Variants in KANK2 observed in about 807,000 individuals in gnomAD.
KANK2 encodes the protein KN motif and ankyrin repeat domains 2.
A neutral mutation model predicts 74.6 loss-of-function variants in KANK2; 41 were observed. The observed-to-expected ratio is 0.55, with a 90% CI of 0.43 to 0.71. The LOEUF (loss-of-function observed/expected upper bound fraction) is 0.71, where lower values mean the gene tolerates loss of function less well. Among genes scored for constraint, KANK2 ranks in the 30% least tolerant of loss-of-function variants. The probability of loss-of-function intolerance (pLI) is 0.00; values close to 1 mark genes in which losing one functional copy is unlikely to be tolerated. For missense variants in KANK2, 1,148 were observed against 1,196.4 expected (o/e 0.96, Z 0.60); for synonymous variants, 537 against 519.0 (o/e 1.03, Z -0.47).
rs1340386491 is a variant in KANK2 at position 11,192,994 on chromosome 19, T to C, written c.1086A>G (p.Thr362=). The C allele has an allele frequency of 6.2e-7, 1 of 1,613,962 alleles. No homozygotes were observed. Among genetic ancestry groups the C allele is most frequent in the Non-Finnish European group, 8.5e-7 (1 of 1,179,954 alleles). The change falls in exon 4 of 13, where the codon ACA becomes ACG. Residue 362 remains threonine (T), a synonymous_variant. Transcript: ENST00000586659. ...QRAQSLEPYG[T]GLRALAMPGR... ...CAGGCATTGCCAGGGCCCTCAGCCC[T>C]GTGCCGTAAGGCTCCAGGCTCTGGG...
rs753933217 is a variant in KANK2 at position 11,175,427 on chromosome 19, C to CAAAAAAAA, written c.1848+467_1848+474dup. Among the ~76,000 whole-genome samples the CAAAAAAAA allele has an allele frequency of 2.1e-3, 32 of 14,970 alleles. 1 individual carries two copies. Among genetic ancestry groups the CAAAAAAAA allele is most frequent in the African/African-American group, 5.0e-3 (27 of 5,380 alleles). 9.8% of individuals were successfully genotyped at this position (14,970 alleles called of 152,430 possible). A position where few individuals can be genotyped will look rare whatever the true frequency, so the allele number is the denominator to read the frequency against. On this transcript the variant is annotated intron_variant, in intron 8 of 12. Transcript: ENST00000586659. The stretch of plus-strand genomic sequence containing the variant: ...TGGGTGACAGAGCAAGACTCCCTCT[C>CAAAAAAAA]AAAAAAAAAAAAAAAAAAAAAAAAA...
intron 12 of KANK2, among the ~76,000 whole-genome samples, chr19:11,167,039 G>C (rs1376311028): frequency 6.6e-6 from 1 of 152,122 alleles, no homozygotes; most frequent in East Asian, 1.9e-4. Flanking sequence ...TGCAGGGCCT[G>C]GTGGGCTTTG....
chr19:11,180,180 C>CG (rs928345659), intron 4 of KANK2, among the ~76,000 whole-genome samples: 3 of 152,182 alleles, frequency 2.0e-5, no homozygotes, highest in Non-Finnish European at 4.4e-5. Flanking sequence ...AGCATTTCCT[C>CG]GGGGGTTCCC....
intron 10 of KANK2, among the ~76,000 whole-genome samples, chr19:11,171,558 G>GT (rs1340455101): frequency 6.7e-6 from 1 of 149,568 alleles, no homozygotes; most frequent in Non-Finnish European, 1.5e-5. Flanking sequence ...GGAGGTGGGG[G>GT]TGGGGGGGTG....
rs556020618 is a variant in KANK2 at position 11,179,592 on chromosome 19, C to T, written c.1250-872G>A. Among the ~76,000 whole-genome samples the T allele has an allele frequency of 5.9e-5, 9 of 151,598 alleles. No homozygotes were observed. The East Asian group carries it at 1.7e-3, about 29-fold the overall frequency. ...GGCAGAGGTTGCAGTGAGCAGAGAT[C>T]ACACCACTGCACTCCAGCCTGGGTA... is the stretch of plus-strand genomic sequence containing the variant. On this transcript the variant is annotated intron_variant, in intron 4 of 12. Transcript: ENST00000586659.
intron 4 of KANK2, among the ~76,000 whole-genome samples, chr19:11,182,274 T>C (rs1018970407): frequency 2.0e-5 from 3 of 151,700 alleles, no homozygotes; most frequent in Non-Finnish European, 4.4e-5. Context: ...GCGAAAAAAT[T>C]TGAGAGGCTG....
Position 11,164,948 on chromosome 19 carries a change from C to A in KANK2, c.*1610G>T, listed in dbSNP as rs1047241668. The A allele has an allele frequency of 1.3e-5, 2 of 152,118 alleles. No homozygotes were observed. Among genetic ancestry groups the A allele is most frequent in the African/African-American group, 4.8e-5 (2 of 41,432 alleles). The allele number at this position is 152,118 out of a possible 1,614,324, so 9.4% of individuals were successfully genotyped here. A position where few individuals can be genotyped will look rare whatever the true frequency, so the allele number is the denominator to read the frequency against. On this transcript the variant is annotated 3_prime_UTR_variant, in exon 13 of 13. Coordinates refer to ENST00000586659, the MANE Select transcript of KANK2 (RefSeq NM_001136191.3). ...CTCTTGCTGAAATGTGGCTTTAAAGCCTTGGAGGCTGAGCTCACTGGCCTC... is the reference window on the plus strand; with the variant it reads ...CTCTTGCTGAAATGTGGCTTTAAAGACTTGGAGGCTGAGCTCACTGGCCTC...
chr19:11,194,405 TC>T, intron 3 of KANK2, 69 bp downstream of exon 3: 3 of 1,278,688 alleles, frequency 2.3e-6, no homozygotes, highest in Non-Finnish European at 1.1e-6. Context: ...CAGGGCAAGG[TC>T]CCCAGCCCCC....
chr19:11,168,175 T>C (rs2078077110), intron 12 of KANK2, among the ~76,000 whole-genome samples: 1 of 151,938 alleles, frequency 6.6e-6, no homozygotes, highest in Non-Finnish European at 1.5e-5. Flanking sequence ...GCTAATATTT[T>C]GTTTTTTTAG....
rs1568653870 is a variant in KANK2 at position 11,193,097 on chromosome 19, T to C, written c.983A>G (p.Asp328Gly). 6.2e-7 allele frequency: 1 copy of C among 1,608,104 alleles called. No homozygotes were observed. Among genetic ancestry groups the C allele is most frequent in the Non-Finnish European group, 8.5e-7 (1 of 1,177,238 alleles). ...WPPPDSPVRV[D>G]TVRVVEGPRE... ...TGGCCCTTCTACCACCCGGACTGTA[T>C]CCACGCGGACCGGGCTGTCCGGCGG... The change falls in exon 4 of 13, where the codon GAT becomes GGT. Residue 328 changes from aspartate to glycine, a missense_variant. Coordinates refer to ENST00000586659, the MANE Select transcript of KANK2 (RefSeq NM_001136191.3). The surrounding 1 kb of genome is among the most constrained non-coding windows in gnomAD (Gnocchi z 9.6).
In KANK2 at chr19:11,194,555, C is replaced by G. The variant is rs528972726; in HGVS notation, c.-44G>C. 6.5e-7 allele frequency: 1 copy of G among 1,533,368 alleles called. No individual in the cohort carries two copies. Among genetic ancestry groups the G allele is most frequent in the South Asian group, 1.1e-5 (1 of 89,466 alleles). 95.0% of individuals were successfully genotyped at this position (1,533,368 alleles called of 1,614,324 possible). On this transcript the variant is annotated 5_prime_UTR_variant, in exon 3 of 13. Coordinates refer to ENST00000586659, the MANE Select transcript of KANK2 (RefSeq NM_001136191.3). ...TCCTTGGAAGTCACTTGAGGGACTG[C>G]GAGTCAGACTGCCTGCAGCACCGGC...
At position 11,194,591 on chromosome 19, in the gene KANK2, C is replaced by A; in HGVS notation, c.-79-1G>T. ...GCCTGCAGCACCGGCTGAGGCTTAC[C>A]TGGGGAAAGAGAACCACGGCGCCGG... On this transcript the variant is annotated splice_acceptor_variant, in intron 2 of 12. Transcript: ENST00000586659. LOFTEE classifies it low-confidence loss of function (5UTR_SPLICE). 8.3e-7 allele frequency: 1 copy of A among 1,201,242 alleles called. No individual in the cohort carries two copies. Among genetic ancestry groups the A allele is most frequent in the Non-Finnish European group, 1.2e-6 (1 of 808,572 alleles). 74.4% of individuals were successfully genotyped at this position (1,201,242 alleles called of 1,614,324 possible). A position where few individuals can be genotyped will look rare whatever the true frequency, so the allele number is the denominator to read the frequency against.
At chr19:11,190,239 A>G (rs1252522555) in intron 4 of KANK2, among the ~76,000 whole-genome samples, 1 of 151,876 alleles carries the variant, frequency 6.6e-6, no homozygotes, top group Non-Finnish European at 1.5e-5. Flanking sequence ...GGTTCAAGCA[A>G]TTCTCCTCCC....
intron 4 of KANK2, among the ~76,000 whole-genome samples, chr19:11,192,069 A>T (rs943663319): frequency 6.6e-6 from 1 of 152,138 alleles, no homozygotes; most frequent in Non-Finnish European, 1.5e-5. Flanking sequence ...CTTAATAACG[A>T]CAACAAGAAC....
At chr19:11,195,105 C>T (rs1275885930) in intron 2 of KANK2, 1 of 153,106 alleles carries the variant, frequency 6.5e-6, no homozygotes, top group African/African-American at 2.4e-5. Flanking sequence ...CTGGGTCAGG[C>T]CTGGACTGGG....
intron 2 of KANK2, chr19:11,194,825 G>T: frequency 3.5e-6 from 1 of 289,814 alleles, no homozygotes; most frequent in Non-Finnish European, 7.0e-6. Context: ...TCCAGGCCCT[G>T]GACAGGCTCC....
chr19:11,165,782 G>GGCTCAA lies in KANK2; in HGVS notation c.*770_*775dup, dbSNP rs1272647347. On this transcript the variant is annotated 3_prime_UTR_variant, in exon 13 of 13. Coordinates refer to ENST00000586659, the MANE Select transcript of KANK2 (RefSeq NM_001136191.3). ...TGCCCAGGCTGGTCTTTAACGTCTA[G>GGCTCAA]GCTCAAGCTCAAGCTCTTGCCTTGC... is the stretch of plus-strand genomic sequence containing the variant. The GGCTCAA allele has an allele frequency of 3.9e-5, 6 of 152,194 alleles. No homozygotes were observed. The highest frequency in any genetic ancestry group is 9.6e-5 in the African/African-American group (4 of 41,480). 9.4% of individuals were successfully genotyped at this position (152,194 alleles called of 1,614,324 possible).
chr19:11,169,822 C>G (rs529098426), intron 12 of KANK2, 55 bp downstream of exon 12: 2 of 1,423,946 alleles, frequency 1.4e-6, no homozygotes, highest in Non-Finnish European at 2.0e-6. Flanking sequence ...CAACAAATCT[C>G]TGTCCTTTCA....
At position 11,178,632 on chromosome 19, in the gene KANK2, T is replaced by G; in HGVS notation, c.1338A>C (p.Arg446=). The change falls in exon 5 of 13, where the codon CGA becomes CGC. Residue 446 remains arginine, a synonymous_variant. Coordinates refer to ENST00000586659, the MANE Select transcript of KANK2 (RefSeq NM_001136191.3). ...SLTQPEKSTG[R]VPTQEPTHRE... The stretch of plus-strand genomic sequence containing the variant: ...TGTGGGTGGGCTCCTGGGTGGGCAC[T>G]CGGCCTGTGCTCTTCTCAGGCTGTG... 1 of 1,594,540 alleles carries G rather than the reference T, an allele frequency of 6.3e-7. No individual in the cohort carries two copies. Among genetic ancestry groups the G allele is most frequent in the African/African-American group, 1.4e-5 (1 of 73,482 alleles).
Sources: gnomAD v4.1 joint callset for allele counts (sites outside exome capture counted in the v4.1 genomes callset) on GRCh38, gnomAD v4.1.1 for gene constraint, Gnocchi (gnomAD v3.1) non-coding constraint, MANE v1.5 for transcripts, NCBI Gene and HGNC (gene_info 2026-07-23, HGNC 2026-07-21) for gene names.